The following LYRM4 variants were observed in gnomAD, a reference collection of about 807,000 sequenced individuals.
LYRM4 encodes LYR motif-containing protein 4.
Under a neutral mutation model 11.7 loss-of-function variants are expected in LYRM4, and 9 were observed. The observed-to-expected ratio is 0.77, with a 90% CI of 0.46 to 1.34. The LOEUF (loss-of-function observed/expected upper bound fraction) is 1.34. Ranked by LOEUF, LYRM4 falls within the 40% of genes most tolerant of loss-of-function variation. The pLI, the probability that LYRM4 is intolerant of heterozygous loss-of-function variation, is 0.00. For missense variants in LYRM4, 133 were observed against 112.5 expected (o/e 1.18, Z -0.82); for synonymous variants, 42 against 40.4 (o/e 1.04, Z -0.15).
At chr6:5,091,077 A>G in the LYRM4 span, among the ~76,000 whole-genome samples, 6 of 152,192 alleles carry the variant, frequency 3.9e-5, no homozygotes, top group Non-Finnish European at 7.4e-5. Context: ...TTAAAAGAAT[A>G]TGCTGTGACT....
rs1447173409 is a variant in LYRM4 at position 5,176,160 on chromosome 6, G to C, written c.207+40458C>G. Among the ~76,000 whole-genome samples, 7 of 151,976 alleles carry C rather than the reference G, an allele frequency of 4.6e-5. No individual in the cohort carries two copies. The East Asian group carries it at 1.2e-3, about 25-fold the overall frequency. On this transcript the variant is annotated intron_variant, in intron 2 of 2. Transcript: ENST00000330636. Reference sequence around the variant, plus strand: ...GCTCACTGTAACCTCTGCCTCCCGGGTTCAAACTATACTTCTGCCTCAGCC... The same window carrying C: ...GCTCACTGTAACCTCTGCCTCCCGGCTTCAAACTATACTTCTGCCTCAGCC...
At chr6:5,060,364 G>A in the LYRM4 span, among the ~76,000 whole-genome samples, 4 of 152,124 alleles carry the variant, frequency 2.6e-5, no homozygotes, top group Non-Finnish European at 2.9e-5. Flanking sequence ...TTTTAAGCAG[G>A]TACATTACTG....
At chr6:5,085,974 C>A in the LYRM4 span, 1 of 1,527,162 alleles carries the variant, frequency 6.5e-7, no homozygotes, top group African/African-American at 1.4e-5. Context: ...TGCTCTCGCG[C>A]CTCCGAAGCT....
chr6:5,190,838 A>G (rs1362360896), intron 2 of LYRM4, among the ~76,000 whole-genome samples: 2 of 152,206 alleles, frequency 1.3e-5, no homozygotes, highest in Admixed American at 6.5e-5. Context: ...TTTACAAACT[A>G]AAGTTTCTGA....
chr6:5,164,967 CAAA>C (rs34814956), intron 2 of LYRM4, among the ~76,000 whole-genome samples: 1 of 105,082 alleles, frequency 9.5e-6, no homozygotes, highest in Non-Finnish European at 1.8e-5. Flanking sequence ...GACTGTGTCT[CAAA>C]AAAAAAAAAA....
chr6:5,197,074 G>T (rs1185186229), intron 2 of LYRM4, among the ~76,000 whole-genome samples: 1 of 152,224 alleles, frequency 6.6e-6, no homozygotes, highest in African/African-American at 2.4e-5. Context: ...ACTGTGCAGA[G>T]AAATTAGGCT....
chr6:5,116,981 G>A (rs552067477), intron 2 of LYRM4, among the ~76,000 whole-genome samples: 1 of 152,366 alleles, frequency 6.6e-6, no homozygotes, highest in African/African-American at 2.4e-5. Flanking sequence ...GTTGCCAGGG[G>A]AGTGGGTGGG....
intron 2 of LYRM4, among the ~76,000 whole-genome samples, chr6:5,214,985 G>A (rs1299693820): frequency 6.6e-6 from 1 of 152,158 alleles, no homozygotes; most frequent in Non-Finnish European, 1.5e-5. Context: ...CTGCTCCAGT[G>A]CGTCTGTCCT....
At chr6:5,066,931 C>T in the LYRM4 span, 9 of 1,120,324 alleles carry the variant, frequency 8.0e-6, no homozygotes, top group Admixed American at 5.1e-5. Context: ...CCAGCGCCCC[C>T]CAAGGCGGAG....
At chr6:5,120,160 G>A (rs751423127) in intron 2 of LYRM4, among the ~76,000 whole-genome samples, 6 of 152,144 alleles carry the variant, frequency 3.9e-5, no homozygotes, top group Non-Finnish European at 8.8e-5. Flanking sequence ...CTCCCAAAGT[G>A]CTAGGATTAT....
chr6:5,222,509 A>G (rs557387679), intron 1 of LYRM4, among the ~76,000 whole-genome samples: 5 of 152,286 alleles, frequency 3.3e-5, no homozygotes, highest in Admixed American at 2.0e-4. Flanking sequence ...AAGAGATGAA[A>G]TAAGAAACAG....
At chr6:5,118,584 A>G (rs190083299) in intron 2 of LYRM4, among the ~76,000 whole-genome samples, 5 of 152,258 alleles carry the variant, frequency 3.3e-5, no homozygotes, top group Admixed American at 3.3e-4. Context: ...TCATGCAGCA[A>G]TTGTCCCTGG....
intron 1 of LYRM4, among the ~76,000 whole-genome samples, chr6:5,251,839 C>A (rs970030604): frequency 6.6e-6 from 1 of 152,154 alleles, no homozygotes; most frequent in Non-Finnish European, 1.5e-5. Flanking sequence ...GAAAGAAATC[C>A]TTTGATGAGT....
intron 2 of LYRM4, among the ~76,000 whole-genome samples, chr6:5,203,551 A>C (rs1761513601): frequency 6.6e-6 from 1 of 152,246 alleles, no homozygotes; most frequent in South Asian, 2.1e-4. Flanking sequence ...GAACGTTTAA[A>C]ATATGGAAGA....
the LYRM4 span, chr6:5,034,228 A>G: frequency 6.6e-6 from 1 of 152,230 alleles, no homozygotes; most frequent in Non-Finnish European, 1.5e-5. Flanking sequence ...ACAGCCAAAT[A>G]CATCGAGGCC....
the LYRM4 span, among the ~76,000 whole-genome samples, chr6:5,074,361 A>G: frequency 6.7e-6 from 1 of 149,936 alleles, no homozygotes; most frequent in Non-Finnish European, 1.5e-5. Flanking sequence ...CTGACTGGCT[A>G]ATTTTGATAA....
the LYRM4 span, among the ~76,000 whole-genome samples, chr6:5,094,044 G>T: frequency 6.6e-6 from 1 of 152,164 alleles, no homozygotes; most frequent in South Asian, 2.1e-4. Context: ...AACCAGATAG[G>T]GCTGAGTGCT....
the LYRM4 span, among the ~76,000 whole-genome samples, chr6:5,074,892 T>C: frequency 6.6e-6 from 1 of 152,142 alleles, no homozygotes; most frequent in Non-Finnish European, 1.5e-5. Flanking sequence ...TAATCCCTAA[T>C]GTTGGAGGTG....
intron 2 of LYRM4, among the ~76,000 whole-genome samples, chr6:5,205,985 G>A (rs755732939): frequency 6.6e-6 from 1 of 152,224 alleles, no homozygotes; most frequent in Non-Finnish European, 1.5e-5. Flanking sequence ...CGCTGCTGGA[G>A]CCGACCGTGA....
Sources: allele counts gnomAD v4.1 joint callset (sites outside exome capture counted in the v4.1 genomes callset), GRCh38; gene constraint gnomAD v4.1.1; transcripts MANE v1.5; gene names NCBI Gene and HGNC (gene_info 2026-07-23, HGNC 2026-07-21).